Variants in AGBL4 observed in about 807,000 individuals in gnomAD.
The protein encoded by AGBL4 is AGBL carboxypeptidase 4.
AGBL4 carries 58 observed loss-of-function variants against 66.4 expected under a neutral mutation model. That is an observed-to-expected ratio of 0.87 (90% confidence interval 0.71 to 1.09). The LOEUF is 1.09. Ranked by LOEUF, AGBL4 falls within the 50% of genes least tolerant of loss-of-function variation. The pLI is 0.00. For synonymous variants in AGBL4, 234 were observed against 222.9 expected (o/e 1.05, Z -0.44); for missense variants, 579 against 631.0 (o/e 0.92, Z 0.88).
At chr1:49,987,930 C>G (rs1185066080) in intron 1 of AGBL4, among the ~76,000 whole-genome samples, 2 of 150,664 alleles carry the variant, frequency 1.3e-5, no homozygotes, top group African/African-American at 4.9e-5. Flanking sequence ...ACACAAAGTA[C>G]TGAAAAAACA....
At chr1:49,611,781 G>T (rs1252834723) in intron 3 of AGBL4, among the ~76,000 whole-genome samples, 4 of 152,166 alleles carry the variant, frequency 2.6e-5, no homozygotes, top group African/African-American at 9.7e-5. Context: ...ATAAGGAGTA[G>T]ATGTAAAATC....
intron 3 of AGBL4, among the ~76,000 whole-genome samples, chr1:49,337,821 C>T (rs1448752379): frequency 6.6e-6 from 1 of 152,182 alleles, no homozygotes; most frequent in Non-Finnish European, 1.5e-5. Context: ...CAAAGGCATA[C>T]TTTGTGAGCT....
At chr1:48,544,745 AAAAGAGAAG>A (rs1644131844) in intron 11 of AGBL4, among the ~76,000 whole-genome samples, 1 of 152,110 alleles carries the variant, frequency 6.6e-6, no homozygotes, top group Non-Finnish European at 1.5e-5. Context: ...AGACTACAGA[AAAAGAGAAG>A]AGAGAGATTC....
intron 2 of AGBL4, among the ~76,000 whole-genome samples, chr1:49,764,103 C>G (rs1176127134): frequency 6.6e-6 from 1 of 152,166 alleles, no homozygotes; most frequent in East Asian, 1.9e-4. Flanking sequence ...GGCTTGGGCT[C>G]CCAGCACAGC....
chr1:48,744,274 T>A (rs1251125975), intron 6 of AGBL4, among the ~76,000 whole-genome samples: 1 of 152,194 alleles, frequency 6.6e-6, no homozygotes, highest in African/African-American at 2.4e-5. Flanking sequence ...GCTAAGTAAA[T>A]AAAACAATGA....
At chr1:49,368,933 G>A (rs967210621) in intron 3 of AGBL4, among the ~76,000 whole-genome samples, 1 of 152,006 alleles carries the variant, frequency 6.6e-6, no homozygotes, top group African/African-American at 2.4e-5. Flanking sequence ...AAATTATCCA[G>A]GCATGGTGGC....
chr1:48,747,188 C>G (rs1026148359), intron 6 of AGBL4, among the ~76,000 whole-genome samples: 63 of 152,158 alleles, frequency 4.1e-4, no homozygotes, highest in African/African-American at 1.5e-3. Context: ...TACAATCTGG[C>G]GCAGATATTT....
chr1:49,375,163 G>T (rs1038321391), intron 3 of AGBL4, among the ~76,000 whole-genome samples: 38 of 151,986 alleles, frequency 2.5e-4, no homozygotes, highest in African/African-American at 9.2e-4. Context: ...CTTTTGCTTG[G>T]GGCCTGTGAG....
intron 3 of AGBL4, among the ~76,000 whole-genome samples, chr1:49,251,618 A>T (rs1352622093): frequency 6.6e-6 from 1 of 152,090 alleles, no homozygotes; most frequent in Non-Finnish European, 1.5e-5. Flanking sequence ...CCTCTTCACA[A>T]ACTTCATTGC....
intron 2 of AGBL4, among the ~76,000 whole-genome samples, chr1:49,741,052 A>C (rs1310654961): frequency 6.6e-6 from 1 of 151,714 alleles, no homozygotes; most frequent in Non-Finnish European, 1.5e-5. Flanking sequence ...CTACGATCAG[A>C]GCAGAACTGA....
chr1:48,958,923 A>C (rs1473262799), intron 5 of AGBL4, among the ~76,000 whole-genome samples: 1 of 152,232 alleles, frequency 6.6e-6, no homozygotes, highest in Non-Finnish European at 1.5e-5. Context: ...CTCATTAGCC[A>C]ACCATCTGTA....
At chr1:48,587,314 T>C (rs1393694737) in intron 10 of AGBL4, 148 bp from the exon 11 acceptor site, 3 of 760,146 alleles carry the variant, frequency 3.9e-6, no homozygotes, top group Non-Finnish European at 6.0e-6. Flanking sequence ...TAAGGACTGA[T>C]TAAATAAACA....
intron 6 of AGBL4, among the ~76,000 whole-genome samples, chr1:48,707,257 G>T (rs894032041): frequency 2.0e-5 from 3 of 152,150 alleles, no homozygotes; most frequent in Admixed American, 2.0e-4. Context: ...TCATGCCACT[G>T]CACTCCAGCC....
intron 4 of AGBL4, among the ~76,000 whole-genome samples, chr1:49,120,846 C>T (rs1645637826): frequency 6.6e-6 from 1 of 152,120 alleles, no homozygotes; most frequent in Non-Finnish European, 1.5e-5. Flanking sequence ...GTTCACCAAT[C>T]CAACATAGAT....
intron 3 of AGBL4, among the ~76,000 whole-genome samples, chr1:49,641,849 T>C (rs1645787684): frequency 6.6e-6 from 1 of 152,058 alleles, no homozygotes; most frequent in South Asian, 2.1e-4. Context: ...AATTTAACAC[T>C]AACAAGCACC....
At chr1:49,236,850 T>C (rs925154703) in intron 4 of AGBL4, among the ~76,000 whole-genome samples, 6 of 152,094 alleles carry the variant, frequency 3.9e-5, no homozygotes, top group Non-Finnish European at 8.8e-5. Context: ...TCCTCTTGAA[T>C]TATAATTCCC....
Position 48,694,519 on chromosome 1 carries a change from T to C in AGBL4, c.635-31278A>G, listed in dbSNP as rs557422784. Among the ~76,000 whole-genome samples, 11 of 152,352 alleles carry C rather than the reference T, an allele frequency of 7.2e-5. No homozygotes were observed. In the South Asian group the frequency reaches 1.7e-3, roughly 23 times the overall value. On this transcript the variant is annotated intron_variant, in intron 6 of 13. Transcript: ENST00000371839. Reference sequence around the variant, plus strand: ...GATGCTGTATGCAATCCTGGTACTTTGCACAGTGCCCACCACAAAGTCAGC... The same window carrying C: ...GATGCTGTATGCAATCCTGGTACTTCGCACAGTGCCCACCACAAAGTCAGC...
At chr1:49,511,244 G>A (rs1355328050) in intron 3 of AGBL4, among the ~76,000 whole-genome samples, 6 of 151,546 alleles carry the variant, frequency 4.0e-5, no homozygotes, top group African/African-American at 1.5e-4. Context: ...AGAAAATGTG[G>A]CACATATACA....
At chr1:49,492,744 G>A (rs1262668482) in intron 3 of AGBL4, among the ~76,000 whole-genome samples, 1 of 151,886 alleles carries the variant, frequency 6.6e-6, no homozygotes, top group Non-Finnish European at 1.5e-5. Flanking sequence ...CGGCCAATTA[G>A]TTATGAATGA....
Sources: gnomAD v4.1 joint callset for allele counts (sites outside exome capture counted in the v4.1 genomes callset) on GRCh38, gnomAD v4.1.1 for gene constraint, MANE v1.5 for transcripts, NCBI Gene and HGNC (gene_info 2026-07-23, HGNC 2026-07-21) for gene names.